SGCZ: variants seen among roughly 807,000 people sequenced by gnomAD.
SGCZ encodes the protein sarcoglycan zeta.
A neutral mutation model predicts 41.3 loss-of-function variants in SGCZ; 40 were observed. That is an observed-to-expected ratio of 0.97 (90% confidence interval 0.75 to 1.26). The LOEUF is 1.26. Ranked by LOEUF, SGCZ falls within the 50% of genes most tolerant of loss-of-function variation. The probability of loss-of-function intolerance (pLI) is 0.00; values close to 1 mark genes in which losing one functional copy is unlikely to be tolerated. For synonymous variants in SGCZ, 206 were observed against 137.5 expected (o/e 1.50, Z -3.49); for missense variants, 552 against 369.8 (o/e 1.49, Z -4.04).
intron 1 of SGCZ, among the ~76,000 whole-genome samples, chr8:15,053,528 A>G (rs912559129): frequency 2.6e-5 from 4 of 152,148 alleles, no homozygotes; most frequent in Non-Finnish European, 5.9e-5. Context: ...AGAACTGAGA[A>G]CCACAATTAA....
At chr8:14,847,601 G>T (rs1442969409) in intron 1 of SGCZ, among the ~76,000 whole-genome samples, 1 of 147,292 alleles carries the variant, frequency 6.8e-6, no homozygotes, top group Non-Finnish European at 1.5e-5. Context: ...CAGAAAGTAG[G>T]AAAAGAAAGG....
At chr8:15,058,541 T>C (rs1478413043) in intron 1 of SGCZ, among the ~76,000 whole-genome samples, 1 of 152,190 alleles carries the variant, frequency 6.6e-6, no homozygotes, top group African/African-American at 2.4e-5. Flanking sequence ...TTAAGCTGAT[T>C]TTACTAACAT....
At chr8:14,110,332 G>C (rs998750964) in intron 5 of SGCZ, among the ~76,000 whole-genome samples, 3 of 151,974 alleles carry the variant, frequency 2.0e-5, no homozygotes, top group African/African-American at 7.2e-5. Context: ...CCCAGATAAG[G>C]TGACAGAAAT....
intron 2 of SGCZ, among the ~76,000 whole-genome samples, chr8:14,543,941 T>C (rs1283961978): frequency 6.6e-6 from 1 of 152,132 alleles, no homozygotes; most frequent in Non-Finnish European, 1.5e-5. Context: ...AGATGTGTTA[T>C]GGCCCATCAC....
At chr8:15,098,043 T>G (rs1806453754) in intron 1 of SGCZ, among the ~76,000 whole-genome samples, 1 of 151,730 alleles carries the variant, frequency 6.6e-6, no homozygotes, top group Non-Finnish European at 1.5e-5. Flanking sequence ...ACTGGTGTTG[T>G]AAGCTTTAAC....
intron 1 of SGCZ, among the ~76,000 whole-genome samples, chr8:14,684,917 T>C (rs1421220068): frequency 1.3e-5 from 2 of 152,170 alleles, no homozygotes; most frequent in East Asian, 3.8e-4. Flanking sequence ...CCTGGTCCTC[T>C]GTTTAAACAT....
At chr8:14,178,893 A>G (rs1383934270) in intron 4 of SGCZ, among the ~76,000 whole-genome samples, 1 of 152,226 alleles carries the variant, frequency 6.6e-6, no homozygotes, top group Non-Finnish European at 1.5e-5. Context: ...GTCATTTCCA[A>G]TGTAAAAAGG....
Position 14,377,442 on chromosome 8 carries a change from G to C in SGCZ, c.235-53238C>G, listed in dbSNP as rs577272089. Among the ~76,000 whole-genome samples, 4 of 151,948 alleles carry C rather than the reference G, an allele frequency of 2.6e-5. 1 individual carries two copies. In the South Asian group the frequency reaches 6.2e-4, roughly 24 times the overall value. On this transcript the variant is annotated intron_variant, in intron 2 of 7. Coordinates refer to ENST00000382080, the MANE Select transcript of SGCZ (RefSeq NM_139167.4). ...TAAACTGCTTTCCTGAGCTATGTGA[G>C]TTATTTTATAAAATCCTGGAACCCA... is the stretch of plus-strand genomic sequence containing the variant.
intron 1 of SGCZ, among the ~76,000 whole-genome samples, chr8:15,218,652 T>A (rs1469412580): frequency 6.6e-6 from 1 of 152,206 alleles, no homozygotes; most frequent in Non-Finnish European, 1.5e-5. Flanking sequence ...TGTACCCACA[T>A]GAGTACACTC....
intron 2 of SGCZ, among the ~76,000 whole-genome samples, chr8:14,384,017 A>G (rs1585433340): frequency 6.6e-6 from 1 of 151,408 alleles, no homozygotes; most frequent in Non-Finnish European, 1.5e-5. Flanking sequence ...TGTGCACAAC[A>G]TGTAGGTTAC....
chr8:14,477,618 G>C (rs1308999691), intron 2 of SGCZ, among the ~76,000 whole-genome samples: 1 of 152,058 alleles, frequency 6.6e-6, no homozygotes, highest in African/African-American at 2.4e-5. Flanking sequence ...GTTAATAAAT[G>C]GCTCTATTTA....
chr8:15,157,472 A>G (rs1799367324), intron 1 of SGCZ, among the ~76,000 whole-genome samples: 1 of 150,896 alleles, frequency 6.6e-6, no homozygotes, highest in Non-Finnish European at 1.5e-5. Flanking sequence ...TACAAAGAAA[A>G]AAATAAAAAG....
intron 1 of SGCZ, among the ~76,000 whole-genome samples, chr8:14,663,745 A>T (rs1392079037): frequency 6.6e-6 from 1 of 152,142 alleles, no homozygotes; most frequent in African/African-American, 2.4e-5. Flanking sequence ...AGTAATTCTT[A>T]TCCCACTTAG....
At chr8:14,520,085 A>G (rs1228573827) in intron 2 of SGCZ, among the ~76,000 whole-genome samples, 1 of 152,170 alleles carries the variant, frequency 6.6e-6, no homozygotes, top group Admixed American at 6.6e-5. Flanking sequence ...ATCATTCCAC[A>G]ATGACAAGCT....
chr8:14,688,610 G>T (rs1274762667), intron 1 of SGCZ, among the ~76,000 whole-genome samples: 3 of 152,110 alleles, frequency 2.0e-5, no homozygotes, highest in Non-Finnish European at 4.4e-5. Flanking sequence ...TTGTAGTATA[G>T]TTTGAAATCA....
At chr8:14,661,620 T>C (rs1807753691) in intron 1 of SGCZ, among the ~76,000 whole-genome samples, 1 of 152,120 alleles carries the variant, frequency 6.6e-6, no homozygotes. Context: ...ATCAGTAGCA[T>C]TTGGGGATTT....
chr8:14,663,111 T>A (rs1807807781), intron 1 of SGCZ, among the ~76,000 whole-genome samples: 1 of 152,136 alleles, frequency 6.6e-6, no homozygotes, highest in African/African-American at 2.4e-5. Context: ...ACTATAACAT[T>A]GGTGTCTTTT....
chr8:14,806,615 G>A (rs1801539137), intron 1 of SGCZ, among the ~76,000 whole-genome samples: 1 of 152,054 alleles, frequency 6.6e-6, no homozygotes, highest in Non-Finnish European at 1.5e-5. Flanking sequence ...AAAGAGTCCA[G>A]GACCAGATGG....
intron 1 of SGCZ, 51 bp from the exon 2 acceptor site, chr8:14,554,977 T>TA (rs758196646): frequency 1.3e-4 from 185 of 1,454,926 alleles, no homozygotes; most frequent in Admixed American, 1.6e-4. Context: ...AAAGAAGCAT[T>TA]AAAAAAAATA....
Sources: gnomAD v4.1 joint callset for allele counts (sites outside exome capture counted in the v4.1 genomes callset) on GRCh38, gnomAD v4.1.1 for gene constraint, MANE v1.5 for transcripts, NCBI Gene and HGNC (gene_info 2026-07-23, HGNC 2026-07-21) for gene names.